The following PDZD2 variants were observed in gnomAD, a reference collection of about 807,000 sequenced individuals.
PDZD2 encodes PDZ domain-containing protein 2.
In PDZD2, 90 loss-of-function variants were observed where a neutral mutation model predicts 220.7. The observed-to-expected ratio is 0.41, with a 90% CI of 0.34 to 0.49. PDZD2 has a LOEUF of 0.49. PDZD2 is among the 20% of genes least tolerant of loss of function. PDZD2 has a pLI of 0.28. For synonymous variants in PDZD2, 1,375 were observed against 1,450.5 expected, an observed-to-expected ratio of 0.95 and a Z score of 1.18; for missense variants, 3,174 against 3,608.5, an observed-to-expected ratio of 0.88 and a Z score of 3.08.
At chr5:32,052,301 A>G (rs527495176) in intron 8 of PDZD2, among the ~76,000 whole-genome samples, 4 of 152,126 alleles carry the variant, frequency 2.6e-5, no homozygotes, top group Non-Finnish European at 4.4e-5. Context: ...ATCCACCACC[A>G]CACCCAGCTA....
At chr5:31,830,139 C>G (rs139696313) in intron 2 of PDZD2, among the ~76,000 whole-genome samples, 118 of 151,440 alleles carry the variant, frequency 7.8e-4, no homozygotes, top group African/African-American at 2.8e-3. Flanking sequence ...TCCCTCCAAA[C>G]CACTCCCTTA....
At chr5:31,908,973 G>C in intron 2 of PDZD2, 1 of 320,850 alleles carries the variant, frequency 3.1e-6, no homozygotes, top group Non-Finnish European at 5.9e-6. Flanking sequence ...CTGAACCCGG[G>C]AGGCGGAGGC....
chr5:31,900,487 G>A (rs73064441), intron 2 of PDZD2, among the ~76,000 whole-genome samples: 4,655 of 142,716 alleles, frequency 0.033, 243 homozygotes, highest in African/African-American at 0.11. Context: ...CAGGCTGCCC[G>A]AGGCTAGGTT....
chr5:31,953,723 C>T (rs760808916), intron 2 of PDZD2, among the ~76,000 whole-genome samples: 17 of 150,852 alleles, frequency 1.1e-4, no homozygotes, highest in South Asian at 2.1e-4. Flanking sequence ...GGCACAATCT[C>T]GGCTCACCGC....
rs557644269 is a variant in PDZD2 at position 31,845,044 on chromosome 5, T to A, written c.476+45320T>A. Among the ~76,000 whole-genome samples, 124 of 152,280 alleles carry A rather than the reference T, an allele frequency of 8.1e-4. 1 individual carries two copies. Among genetic ancestry groups the A allele is most frequent in the Non-Finnish European group, 1.5e-3 (105 of 68,016 alleles). On this transcript the variant is annotated intron_variant, in intron 2 of 24. Coordinates refer to ENST00000438447, the MANE Select transcript of PDZD2 (RefSeq NM_178140.4). ...TGAAAGGTAGAAATGGAAGAAGATATTGTTACCACGTCAGAAGAATGGGAG... is the reference window on the plus strand; with the variant it reads ...TGAAAGGTAGAAATGGAAGAAGATAATGTTACCACGTCAGAAGAATGGGAG...
intron 19 of PDZD2, among the ~76,000 whole-genome samples, chr5:32,081,641 G>C (rs949747755): frequency 7.2e-5 from 11 of 152,284 alleles, no homozygotes; most frequent in Non-Finnish European, 7.4e-5. Context: ...TTGAGTGCTC[G>C]TAGCAGTTCT....
At chr5:31,965,139 G>A (rs928402356) in intron 2 of PDZD2, among the ~76,000 whole-genome samples, 4 of 152,202 alleles carry the variant, frequency 2.6e-5, no homozygotes, top group Non-Finnish European at 1.5e-5. Flanking sequence ...CACACGTGGA[G>A]TGGTTTTAAG....
At chr5:31,844,173 A>T (rs1246566660) in intron 2 of PDZD2, among the ~76,000 whole-genome samples, 2 of 152,200 alleles carry the variant, frequency 1.3e-5, no homozygotes. Flanking sequence ...TATCATTGTA[A>T]GAGAGCAAGT....
At chr5:31,662,845 T>C (rs904833942) in intron 1 of PDZD2, among the ~76,000 whole-genome samples, 7 of 152,144 alleles carry the variant, frequency 4.6e-5, no homozygotes, top group African/African-American at 1.7e-4. Context: ...TTAGCCAGGA[T>C]GGTCTTGATC....
chr5:32,094,492 C>T (rs1290436635), intron 21 of PDZD2, among the ~76,000 whole-genome samples: 1 of 152,088 alleles, frequency 6.6e-6, no homozygotes, highest in Non-Finnish European at 1.5e-5. Flanking sequence ...CAGCCAACAG[C>T]CAGCCTTGGC....
chr5:31,656,228 C>T (rs1391069302), intron 1 of PDZD2, among the ~76,000 whole-genome samples: 8 of 152,310 alleles, frequency 5.3e-5, no homozygotes, highest in Non-Finnish European at 1.5e-5. Context: ...TTCACCTGCC[C>T]ACCTGCCCAC....
intron 6 of PDZD2, among the ~76,000 whole-genome samples, chr5:32,023,402 C>G (rs888023355): frequency 6.6e-6 from 1 of 152,148 alleles, no homozygotes; most frequent in African/African-American, 2.4e-5. Context: ...GACCAAAAAA[C>G]AAACCAACCT....
At chr5:31,971,133 A>C (rs1042886324) in intron 2 of PDZD2, among the ~76,000 whole-genome samples, 1 of 152,230 alleles carries the variant, frequency 6.6e-6, no homozygotes, top group African/African-American at 2.4e-5. Flanking sequence ...TTGTGCTGCT[A>C]TAACAAAAAT....
chr5:31,926,985 G>A (rs7719783), intron 2 of PDZD2, among the ~76,000 whole-genome samples: 35,000 of 152,098 alleles, frequency 0.23, 4,432 homozygotes, highest in Non-Finnish European at 0.27. Context: ...ACTAAATACC[G>A]CATATTATTC....
chr5:31,959,997 T>C (rs1433165771), intron 2 of PDZD2, among the ~76,000 whole-genome samples: 1 of 152,160 alleles, frequency 6.6e-6, no homozygotes, highest in East Asian at 1.9e-4. Flanking sequence ...TTTTCTCTTA[T>C]CAAGACACAC....
At chr5:32,026,138 A>ATTTT (rs142134117) in intron 6 of PDZD2, among the ~76,000 whole-genome samples, 4,227 of 140,228 alleles carry the variant, frequency 0.03, 205 homozygotes, top group African/African-American at 0.096. Flanking sequence ...GTTGACTACT[A>ATTTT]TTTTTTTTTT....
intron 2 of PDZD2, among the ~76,000 whole-genome samples, chr5:31,903,872 C>T (rs71627333): frequency 0.13 from 20,137 of 151,624 alleles, 1,481 homozygotes; most frequent in Admixed American, 0.16. Flanking sequence ...TACAGGTGCC[C>T]GCCACCATGC....
rs1018256205 is a variant in PDZD2, at chr5:32,087,859, C to T, written c.4411C>T (p.Arg1471Cys). ...PAGAGGGSSC[R>C]AEPVPGGQTS... ...CGGGGCTGGAGGTGGGAGCTCCTGC[C>T]GTGCCGAACCAGTCCCGGGGGGCCA... Residue 1471 changes from arginine to cysteine, a missense_variant, in exon 20 of 25, where the codon CGT becomes TGT. Coordinates refer to ENST00000438447, the MANE Select transcript of PDZD2 (RefSeq NM_178140.4). This position sits in a 1 kb window ranked among gnomAD's most constrained non-coding sequence, Gnocchi z 4.0. 3.9e-5 allele frequency: 63 copies of T among 1,611,470 alleles called. No homozygotes were observed. The highest frequency in any genetic ancestry group is 3.3e-4 in the East Asian group (15 of 44,828).
At chr5:31,778,502 G>A (rs1009284354) in intron 1 of PDZD2, among the ~76,000 whole-genome samples, 2 of 151,668 alleles carry the variant, frequency 1.3e-5, no homozygotes, top group African/African-American at 4.9e-5. Flanking sequence ...AACTCTGGAC[G>A]GGAGGAACGA....
Sources: gnomAD v4.1 joint callset for allele counts (sites outside exome capture counted in the v4.1 genomes callset) on GRCh38, gnomAD v4.1.1 for gene constraint, Gnocchi (gnomAD v3.1) non-coding constraint, MANE v1.5 for transcripts, NCBI Gene and HGNC (gene_info 2026-07-23, HGNC 2026-07-21) for gene names.